ITPR2: variants seen among roughly 807,000 people sequenced by gnomAD.
ITPR2 encodes the protein inositol 1,4,5-trisphosphate receptor type 2, also known as inositol 1,4,5-trisphosphate-gated calcium channel ITPR2.
ITPR2 carries 207 observed loss-of-function variants against 317.1 expected under a neutral mutation model. The ratio of observed to expected loss-of-function variants is 0.65; its 90% CI spans 0.58 to 0.73. The LOEUF (loss-of-function observed/expected upper bound fraction) is 0.73. ITPR2 is among the 30% of genes least tolerant of loss of function. The pLI, the probability that ITPR2 is intolerant of heterozygous loss-of-function variation, is 0.00. For missense variants in ITPR2, 2,613 were observed against 3,284.0 expected (o/e 0.80, Z 4.99); for synonymous variants, 1,156 against 1,149.1 (o/e 1.01, Z -0.12).
chr12:26,589,009 G>A (rs1291282977), intron 32 of ITPR2, among the ~76,000 whole-genome samples: 1 of 152,116 alleles, frequency 6.6e-6, no homozygotes, highest in Admixed American at 6.5e-5. Context: ...CAAATCCCCT[G>A]ACTATCAACA....
intron 1 of ITPR2, among the ~76,000 whole-genome samples, chr12:26,825,930 A>G (rs539936818): frequency 2.2e-4 from 34 of 152,376 alleles, no homozygotes; most frequent in African/African-American, 7.9e-4. Context: ...AGATATATTT[A>G]TCACATTATC....
intron 2 of ITPR2, among the ~76,000 whole-genome samples, chr12:26,770,224 A>C (rs777801471): frequency 9.2e-5 from 14 of 152,202 alleles, no homozygotes; most frequent in Non-Finnish European, 1.9e-4. Flanking sequence ...GTCTTTCTCC[A>C]TCTTCCCACA....
chr12:26,643,404 T>G (rs1947037261), intron 21 of ITPR2, among the ~76,000 whole-genome samples: 1 of 152,194 alleles, frequency 6.6e-6, no homozygotes, highest in East Asian at 1.9e-4. Flanking sequence ...AGAGTTTTCA[T>G]GTGCATCCAA....
chr12:26,382,785 C>T (rs1027928801), intron 55 of ITPR2, among the ~76,000 whole-genome samples: 3 of 152,120 alleles, frequency 2.0e-5, no homozygotes, highest in East Asian at 1.9e-4. Context: ...GTGTTTCCTG[C>T]GATTCTAACC....
intron 32 of ITPR2, among the ~76,000 whole-genome samples, chr12:26,592,176 C>T (rs949026754): frequency 1.3e-5 from 2 of 152,138 alleles, no homozygotes; most frequent in Non-Finnish European, 2.9e-5. Context: ...CCTGTTCTCA[C>T]TTATTTGTGG....
intron 32 of ITPR2, among the ~76,000 whole-genome samples, chr12:26,586,651 G>A (rs1945537328): frequency 6.6e-6 from 1 of 151,996 alleles, no homozygotes; most frequent in Non-Finnish European, 1.5e-5. Flanking sequence ...ACCCTAAATA[G>A]TCAGTGTCAT....
chr12:26,671,304 G>A (rs1459840874), intron 13 of ITPR2, among the ~76,000 whole-genome samples: 2 of 152,158 alleles, frequency 1.3e-5, no homozygotes, highest in African/African-American at 4.8e-5. Flanking sequence ...AGAGAGAAAG[G>A]TTGGGTTACC....
chr12:26,474,576 G>A (rs945877281), intron 45 of ITPR2, among the ~76,000 whole-genome samples: 4 of 151,840 alleles, frequency 2.6e-5, no homozygotes, highest in East Asian at 1.9e-4. Context: ...GGCGGATCAC[G>A]AGGTCAGGAG....
intron 19 of ITPR2, 50 bp downstream of exon 19, chr12:26,656,246 TG>T: frequency 1.3e-6 from 2 of 1,599,230 alleles, no homozygotes; most frequent in Non-Finnish European, 1.7e-6. Context: ...ACATTTGACG[TG>T]GAGTTCATCT....
intron 34 of ITPR2, among the ~76,000 whole-genome samples, chr12:26,571,001 C>G (rs1293484210): frequency 6.6e-6 from 1 of 152,102 alleles, no homozygotes; most frequent in Non-Finnish European, 1.5e-5. Context: ...ACCTTACATT[C>G]CAGTTAGGCC....
At chr12:26,509,344 C>T (rs1429379560) in intron 37 of ITPR2, among the ~76,000 whole-genome samples, 1 of 152,046 alleles carries the variant, frequency 6.6e-6, no homozygotes, top group Non-Finnish European at 1.5e-5. Context: ...TGTAAATAAA[C>T]CAAAAAACAC....
chr12:26,705,960 C>T (rs1319223617), intron 9 of ITPR2, among the ~76,000 whole-genome samples: 1 of 152,176 alleles, frequency 6.6e-6, no homozygotes, highest in Non-Finnish European at 1.5e-5. Flanking sequence ...AAGACAACTA[C>T]CTTATTTGTT....
At chr12:26,360,671 C>T (rs1436959379) in intron 55 of ITPR2, among the ~76,000 whole-genome samples, 2 of 152,148 alleles carry the variant, frequency 1.3e-5, no homozygotes, top group South Asian at 2.1e-4. Context: ...GTCTTGCCAA[C>T]GTTAGTAGCC....
chr12:26,398,823 T>C (rs1004209834), intron 54 of ITPR2, 53 bp downstream of exon 54: 3 of 1,476,502 alleles, frequency 2.0e-6, no homozygotes, highest in African/African-American at 2.9e-5. Context: ...CTAGCCCCTC[T>C]TTCCTGCAAA....
intron 55 of ITPR2, among the ~76,000 whole-genome samples, chr12:26,355,760 T>C (rs1169957782): frequency 6.6e-6 from 1 of 152,202 alleles, no homozygotes; most frequent in Non-Finnish European, 1.5e-5. Flanking sequence ...CCCTGGTCTC[T>C]CTACTGGTCT....
At chr12:26,800,625 T>C (rs1950540417) in intron 1 of ITPR2, among the ~76,000 whole-genome samples, 1 of 152,030 alleles carries the variant, frequency 6.6e-6, no homozygotes, top group Non-Finnish European at 1.5e-5. Flanking sequence ...ATAGATTTAG[T>C]AAAGAATTCC....
At chr12:26,618,603 T>C (rs1471088409) in intron 26 of ITPR2, among the ~76,000 whole-genome samples, 1 of 152,192 alleles carries the variant, frequency 6.6e-6, no homozygotes, top group East Asian at 1.9e-4. Context: ...ACAACTGGCA[T>C]TGTCTGGTAG....
rs1565713603 is a variant in ITPR2, at chr12:26,715,838, A to G, written c.625-3T>C. ...GTGTTGCAATTGACAGCATTCACCT[A>G]TTAATGAAGAAACGTTCAAAGTTAT... On this transcript the variant is annotated splice_polypyrimidine_tract_variant and splice_region_variant and intron_variant, in intron 6 of 56. Coordinates refer to ENST00000381340, the MANE Select transcript of ITPR2 (RefSeq NM_002223.4). 2 of 1,589,404 alleles carry G rather than the reference A, an allele frequency of 1.3e-6. No homozygotes were observed. Among genetic ancestry groups the G allele is most frequent in the Non-Finnish European group, 1.7e-6 (2 of 1,158,404 alleles).
At chr12:26,771,578 G>A (rs1275211391) in intron 2 of ITPR2, among the ~76,000 whole-genome samples, 3 of 152,064 alleles carry the variant, frequency 2.0e-5, no homozygotes, top group African/African-American at 2.4e-5. Flanking sequence ...GCAGCGGTGC[G>A]ATCTCGGCTC....
Sources: allele counts gnomAD v4.1 joint callset (sites outside exome capture counted in the v4.1 genomes callset), GRCh38; gene constraint gnomAD v4.1.1; transcripts MANE v1.5; gene names NCBI Gene and HGNC (gene_info 2026-07-23, HGNC 2026-07-21).